The following KCNMB2 variants were observed in gnomAD, a reference collection of about 807,000 sequenced individuals.
The protein encoded by KCNMB2 is potassium calcium-activated channel subfamily M regulatory beta subunit 2, also known as calcium-activated potassium channel subunit beta-2.
Under a neutral mutation model 24.5 loss-of-function variants are expected in KCNMB2, and 9 were observed. The ratio of observed to expected loss-of-function variants is 0.37; its 90% confidence interval spans 0.22 to 0.64. The LOEUF is 0.64. Ranked by LOEUF, KCNMB2 falls within the 30% of genes least tolerant of loss-of-function variation. The pLI is 0.63. For synonymous variants in KCNMB2, 109 were observed against 104.4 expected, an observed-to-expected ratio of 1.04 and a Z score of -0.27; for missense variants, 226 against 284.3, an observed-to-expected ratio of 0.79 and a Z score of 1.47.
At chr3:178,792,813 T>C (rs556601792) in intron 1 of KCNMB2, among the ~76,000 whole-genome samples, 11 of 152,336 alleles carry the variant, frequency 7.2e-5, no homozygotes, top group Non-Finnish European at 1.5e-4. Context: ...AAACTAGTGA[T>C]GGACTAAGAG....
At chr3:178,660,294 T>C (rs562062057) in intron 1 of KCNMB2, among the ~76,000 whole-genome samples, 2 of 152,298 alleles carry the variant, frequency 1.3e-5, no homozygotes, top group South Asian at 4.1e-4. Flanking sequence ...TGGTAGGCAT[T>C]CAACTGAAAA....
At chr3:178,596,258 C>G (rs1210432134) in intron 1 of KCNMB2, among the ~76,000 whole-genome samples, 2 of 152,088 alleles carry the variant, frequency 1.3e-5, no homozygotes, top group Non-Finnish European at 2.9e-5. Context: ...AATAACCTAT[C>G]CTCAATAATG....
intron 1 of KCNMB2, among the ~76,000 whole-genome samples, chr3:178,617,005 G>A (rs1479555539): frequency 1.3e-5 from 2 of 152,200 alleles, no homozygotes; most frequent in Non-Finnish European, 1.5e-5. Context: ...CTGGGGAAAT[G>A]TGGTATGGGC....
chr3:178,659,784 C>T (rs114636118), intron 1 of KCNMB2, among the ~76,000 whole-genome samples: 369 of 152,290 alleles, frequency 2.4e-3, no homozygotes, highest in African/African-American at 8.2e-3. Flanking sequence ...GTGTGTGTAG[C>T]ACATGGCCCA....
chr3:178,684,658 T>C (rs1280492594), intron 1 of KCNMB2, among the ~76,000 whole-genome samples: 1 of 151,960 alleles, frequency 6.6e-6, no homozygotes, highest in Non-Finnish European at 1.5e-5. Context: ...AGAAACCCCG[T>C]CTCTACTAAA....
chr3:178,711,061 A>G (rs992280515), intron 1 of KCNMB2, among the ~76,000 whole-genome samples: 3 of 152,154 alleles, frequency 2.0e-5, no homozygotes, highest in African/African-American at 7.2e-5. Context: ...GTTTATATAA[A>G]TAGTTTATTA....
intron 1 of KCNMB2, among the ~76,000 whole-genome samples, chr3:178,561,652 A>AT (rs1326267284): frequency 2.0e-5 from 3 of 152,168 alleles, no homozygotes; most frequent in Non-Finnish European, 2.9e-5. Flanking sequence ...TCACTTCACA[A>AT]TTTTTTACCT....
At chr3:178,774,985 C>T (rs529385476) in intron 1 of KCNMB2, among the ~76,000 whole-genome samples, 9 of 152,236 alleles carry the variant, frequency 5.9e-5, no homozygotes, top group African/African-American at 2.2e-4. Context: ...CCAAGCCTCC[C>T]AGAACCATCT....
chr3:178,708,352 C>T (rs1044381961), intron 1 of KCNMB2, among the ~76,000 whole-genome samples: 3 of 152,116 alleles, frequency 2.0e-5, no homozygotes, highest in African/African-American at 7.2e-5. Context: ...TCATGGAGCA[C>T]TAGCTCTCTG....
chr3:178,705,011 C>T (rs1294205825), intron 1 of KCNMB2, among the ~76,000 whole-genome samples: 1 of 152,026 alleles, frequency 6.6e-6, no homozygotes, highest in Non-Finnish European at 1.5e-5. Flanking sequence ...AACTCAAATC[C>T]AAGTTAGCAT....
intron 1 of KCNMB2, among the ~76,000 whole-genome samples, chr3:178,555,502 T>C (rs538372333): frequency 6.6e-6 from 1 of 152,332 alleles, no homozygotes; most frequent in Admixed American, 6.5e-5. Context: ...GAAGTTTGAA[T>C]GAAATGACAT....
chr3:178,715,401 T>C (rs1324778713), intron 1 of KCNMB2, among the ~76,000 whole-genome samples: 1 of 149,780 alleles, frequency 6.7e-6, no homozygotes, highest in Non-Finnish European at 1.5e-5. Context: ...AAGTTGGTGG[T>C]TGGTTGAGGC....
At chr3:178,597,323 A>G (rs1717912505) in intron 1 of KCNMB2, among the ~76,000 whole-genome samples, 1 of 152,174 alleles carries the variant, frequency 6.6e-6, no homozygotes, top group Non-Finnish European at 1.5e-5. Context: ...GTACAGCTCA[A>G]TAACCATTAC....
At chr3:178,681,517 T>C (rs1721270734) in intron 1 of KCNMB2, among the ~76,000 whole-genome samples, 1 of 152,186 alleles carries the variant, frequency 6.6e-6, no homozygotes, top group South Asian at 2.1e-4. Flanking sequence ...TTAATACACA[T>C]TGTTTCATTT....
At chr3:178,839,872 C>T (rs970530599) in intron 4 of KCNMB2, among the ~76,000 whole-genome samples, 4 of 152,244 alleles carry the variant, frequency 2.6e-5, no homozygotes, top group South Asian at 2.1e-4. Context: ...CATTCTGCCC[C>T]GGCTCTTCCC....
intron 1 of KCNMB2, among the ~76,000 whole-genome samples, chr3:178,679,059 T>TTG (rs1553833857): frequency 4.7e-5 from 7 of 148,626 alleles, no homozygotes; most frequent in Non-Finnish European, 7.4e-5. Flanking sequence ...TTTGTTTTTG[T>TTG]TTTTTTTATT....
intron 1 of KCNMB2, among the ~76,000 whole-genome samples, chr3:178,769,297 T>C (rs1324633160): frequency 6.6e-6 from 1 of 152,226 alleles, no homozygotes; most frequent in East Asian, 1.9e-4. Context: ...CACTGCTTAA[T>C]GAAAGTGTGT....
intron 1 of KCNMB2, among the ~76,000 whole-genome samples, chr3:178,753,697 C>T (rs965710644): frequency 6.6e-6 from 1 of 152,110 alleles, no homozygotes; most frequent in Non-Finnish European, 1.5e-5. Context: ...ATATTTATGG[C>T]ATACAATGTG....
At position 178,587,601 on chromosome 3, in the gene KCNMB2, G is replaced by GTTTTT. The variant is rs764417885; in HGVS notation, c.-68+50890_-68+50891insTTTTT. Reference sequence around the variant, plus strand: ...GCCACACCCGGCTAATTTTTTGGGTGGTTTTTTTTTTTTTTTGTATTTTTA... The same window carrying GTTTTT: ...GCCACACCCGGCTAATTTTTTGGGTGTTTTTGTTTTTTTTTTTTTTTGTATTTTTA... On this transcript the variant is annotated intron_variant, in intron 1 of 4. Coordinates refer to ENST00000452583, the MANE Select transcript of KCNMB2 (RefSeq NM_181361.3). 2.3e-5 allele frequency among the ~76,000 whole-genome samples: 3 copies of GTTTTT among 133,086 alleles called. 1 individual carries two copies. Among genetic ancestry groups the GTTTTT allele is most frequent in the African/African-American group, 2.8e-5 (1 of 35,192 alleles). 87.3% of individuals were successfully genotyped at this position (133,086 alleles called of 152,430 possible).
Sources: allele counts gnomAD v4.1 joint callset (sites outside exome capture counted in the v4.1 genomes callset), GRCh38; gene constraint gnomAD v4.1.1; transcripts MANE v1.5; gene names NCBI Gene and HGNC (gene_info 2026-07-23, HGNC 2026-07-21).